The following GRID2 variants were observed in gnomAD, a reference collection of about 807,000 sequenced individuals.
The protein encoded by GRID2 is glutamate receptor ionotropic, delta-2.
A neutral mutation model predicts 114.8 loss-of-function variants in GRID2; 33 were observed. That is an observed-to-expected ratio of 0.29 (90% confidence interval 0.22 to 0.38). The LOEUF (loss-of-function observed/expected upper bound fraction) is 0.38, where lower values mean the gene tolerates loss of function less well. Among genes scored for constraint, GRID2 ranks in the 10% least tolerant of loss-of-function variants. The probability of loss-of-function intolerance (pLI) is 1.00; values close to 1 mark genes in which losing one functional copy is unlikely to be tolerated. For missense variants in GRID2, 1,184 were observed against 1,257.7 expected (o/e 0.94, Z 0.89); for synonymous variants, 505 against 449.9 (o/e 1.12, Z -1.55).
chr4:92,627,549 C>T (rs114638610), intron 2 of GRID2, among the ~76,000 whole-genome samples: 4,098 of 152,074 alleles, frequency 0.027, 74 homozygotes, highest in South Asian at 0.054. Context: ...AGAATGCTTT[C>T]ACTGATTTTT....
intron 4 of GRID2, among the ~76,000 whole-genome samples, chr4:93,170,351 T>C (rs1200443956): frequency 6.6e-6 from 1 of 152,196 alleles, no homozygotes; most frequent in Non-Finnish European, 1.5e-5. Context: ...CCCAAAGTGC[T>C]GGGATTACAG....
At chr4:92,770,025 A>G (rs1004139178) in intron 2 of GRID2, among the ~76,000 whole-genome samples, 3 of 152,124 alleles carry the variant, frequency 2.0e-5, no homozygotes. Flanking sequence ...TAGGCTGCAA[A>G]TTTTCCAAAC....
intron 13 of GRID2, among the ~76,000 whole-genome samples, chr4:93,540,733 G>A (rs1051215531): frequency 2.0e-5 from 3 of 152,190 alleles, no homozygotes; most frequent in African/African-American, 7.2e-5. Context: ...CTGGAAAATG[G>A]AAAGCACACA....
rs533097682 is a variant in GRID2, at chr4:93,596,463, A to G, written c.2194-29806A>G. 2.2e-4 allele frequency among the ~76,000 whole-genome samples: 33 copies of G among 152,248 alleles called. No individual in the cohort carries two copies. The East Asian group carries it at 6.2e-3, about 29-fold the overall frequency. ...CATGGTGGCAGGCGCCTGTAGTCCC[A>G]GCTACTCGGGAGGCTGAGGCAGAAG... On this transcript the variant is annotated intron_variant, in intron 13 of 15. Coordinates refer to ENST00000282020, the MANE Select transcript of GRID2 (RefSeq NM_001510.4).
At chr4:92,988,949 A>G (rs1754675379) in intron 2 of GRID2, among the ~76,000 whole-genome samples, 1 of 152,144 alleles carries the variant, frequency 6.6e-6, no homozygotes, top group East Asian at 1.9e-4. Context: ...GGTCAACTTC[A>G]ATTTCTAAAC....
intron 13 of GRID2, among the ~76,000 whole-genome samples, chr4:93,616,003 G>A (rs10516926): frequency 0.23 from 35,693 of 151,924 alleles, 4,503 homozygotes; most frequent in Middle Eastern, 0.32. Flanking sequence ...TTTGAAAATG[G>A]TTTTATGATA....
At position 92,571,377 on chromosome 4, in the gene GRID2, A is replaced by G. The variant is rs1579601719; in HGVS notation, c.89-18754A>G. ...ACCCAATACAGGAGCACCAAGATTC[A>G]TAGAGCAAGTCTTTAGAGACCTACA... On this transcript the variant is annotated intron_variant, in intron 1 of 15. Transcript: ENST00000282020. 1.3e-5 allele frequency among the ~76,000 whole-genome samples: 2 copies of G among 152,282 alleles called. 1 individual carries two copies. Among genetic ancestry groups the G allele is most frequent in the South Asian group, 4.1e-4 (2 of 4,834 alleles).
chr4:93,594,290 C>T (rs1471904208), intron 13 of GRID2, among the ~76,000 whole-genome samples: 1 of 152,124 alleles, frequency 6.6e-6, no homozygotes, highest in Non-Finnish European at 1.5e-5. Flanking sequence ...CCCTCAGCTG[C>T]AGGTCTGTTG....
At chr4:92,547,498 C>CAAAGGGAAGCT (rs1286274710) in intron 1 of GRID2, among the ~76,000 whole-genome samples, 1 of 152,026 alleles carries the variant, frequency 6.6e-6, no homozygotes, top group African/African-American at 2.4e-5. Flanking sequence ...AGTGAACAAA[C>CAAAGGGAAGCT]AAAGGGAAGC....
chr4:92,550,484 AC>A (rs1560705741), intron 1 of GRID2, among the ~76,000 whole-genome samples: 1 of 152,186 alleles, frequency 6.6e-6, no homozygotes, highest in Non-Finnish European at 1.5e-5. Flanking sequence ...CTTAGAGGCA[AC>A]CCATTTTTTA....
intron 2 of GRID2, among the ~76,000 whole-genome samples, chr4:92,993,617 C>T (rs576069414): frequency 1.3e-5 from 2 of 152,208 alleles, no homozygotes; most frequent in South Asian, 2.1e-4. Flanking sequence ...TTTACATAGG[C>T]AATTTGGAGA....
chr4:92,351,393 A>T (rs1366770231), intron 1 of GRID2, among the ~76,000 whole-genome samples: 7 of 151,872 alleles, frequency 4.6e-5, no homozygotes, highest in Admixed American at 4.6e-4. Flanking sequence ...TAATAATTGC[A>T]CATATTAATG....
chr4:93,280,933 T>C (rs985935571), intron 8 of GRID2, among the ~76,000 whole-genome samples: 8 of 151,912 alleles, frequency 5.3e-5, no homozygotes, highest in African/African-American at 1.9e-4. Flanking sequence ...ACACAGAATG[T>C]ACAGAATACA....
intron 4 of GRID2, among the ~76,000 whole-genome samples, chr4:93,156,623 T>A: frequency 6.6e-6 from 1 of 151,718 alleles, no homozygotes; most frequent in Non-Finnish European, 1.5e-5. Context: ...GACTTATTAA[T>A]GAAAATGAGA....
chr4:92,574,632 T>A (rs749632714), intron 1 of GRID2, among the ~76,000 whole-genome samples: 1 of 152,124 alleles, frequency 6.6e-6, no homozygotes, highest in Non-Finnish European at 1.5e-5. Flanking sequence ...TTCTGTTCTT[T>A]AAAATGTTAC....
chr4:93,368,869 A>G (rs1232230984), intron 8 of GRID2, among the ~76,000 whole-genome samples: 1 of 152,214 alleles, frequency 6.6e-6, no homozygotes, highest in Admixed American at 6.5e-5. Context: ...TGAGTTGGCA[A>G]GTTTTAATAA....
intron 13 of GRID2, among the ~76,000 whole-genome samples, chr4:93,525,872 T>C (rs556838442): frequency 1.3e-5 from 2 of 152,268 alleles, no homozygotes; most frequent in Admixed American, 6.5e-5. Context: ...AAAGAATAGA[T>C]TGATGCATCT....
intron 1 of GRID2, among the ~76,000 whole-genome samples, chr4:92,556,323 A>T (rs976976680): frequency 6.6e-6 from 1 of 152,190 alleles, no homozygotes; most frequent in African/African-American, 2.4e-5. Context: ...TTAATTAAAA[A>T]TTTGAAATCA....
intron 14 of GRID2, among the ~76,000 whole-genome samples, chr4:93,679,053 C>T (rs1035603646): frequency 2.0e-5 from 3 of 151,082 alleles, no homozygotes; most frequent in South Asian, 2.1e-4. Context: ...CAGAGACACA[C>T]ATAGGCTCAA....
Sources: allele counts gnomAD v4.1 joint callset (sites outside exome capture counted in the v4.1 genomes callset), GRCh38; gene constraint gnomAD v4.1.1; transcripts MANE v1.5; gene names NCBI Gene and HGNC (gene_info 2026-07-23, HGNC 2026-07-21).